The following TNRC6B variants were observed in gnomAD, a reference collection of about 807,000 sequenced individuals.
TNRC6B encodes trinucleotide repeat containing adaptor 6B.
TNRC6B carries 52 observed loss-of-function variants against 203.6 expected under a neutral mutation model. The ratio of observed to expected loss-of-function variants is 0.26; its 90% CI spans 0.20 to 0.32. TNRC6B has a LOEUF of 0.32. Ranked by LOEUF, TNRC6B falls within the 10% of genes least tolerant of loss-of-function variation. The probability of loss-of-function intolerance (pLI) is 1.00; values close to 1 mark genes in which losing one functional copy is unlikely to be tolerated. For synonymous variants in TNRC6B, 838 were observed against 845.7 expected, an observed-to-expected ratio of 0.99 and a Z score of 0.16; for missense variants, 1,923 against 2,286.2, an observed-to-expected ratio of 0.84 and a Z score of 3.24.
chr22:40,279,649 G>A (rs2070698016), intron 9 of TNRC6B, among the ~76,000 whole-genome samples: 1 of 152,236 alleles, frequency 6.6e-6, no homozygotes, highest in African/African-American at 2.4e-5. Context: ...TGAGCAAGAT[G>A]TGTTCATCAG....
At chr22:40,207,452 AAAAT>A (rs2069497228) in intron 1 of TNRC6B, among the ~76,000 whole-genome samples, 1 of 148,336 alleles carries the variant, frequency 6.7e-6, no homozygotes, top group African/African-American at 2.4e-5. Context: ...TATGTATAAT[AAAAT>A]AAACGTAACA....
At chr22:40,136,025 G>A (rs775926031) in intron 3 of TNRC6B, among the ~76,000 whole-genome samples, 3 of 152,150 alleles carry the variant, frequency 2.0e-5, no homozygotes, top group Admixed American at 6.6e-5. Flanking sequence ...AGCAAGAACC[G>A]TAGGTGAGGA....
intron 3 of TNRC6B, among the ~76,000 whole-genome samples, chr22:40,255,242 A>G (rs1316206278): frequency 6.6e-6 from 1 of 152,238 alleles, no homozygotes; most frequent in Non-Finnish European, 1.5e-5. Flanking sequence ...CAACAGGGAA[A>G]AGCTTCTAGC....
intron 1 of TNRC6B, among the ~76,000 whole-genome samples, chr22:40,204,140 C>T (rs2069448865): frequency 6.6e-6 from 1 of 152,194 alleles, no homozygotes; most frequent in South Asian, 2.1e-4. Flanking sequence ...CACCACATCT[C>T]TTTAATTTTT....
At position 40,262,058 on chromosome 22, in the gene TNRC6B, C is replaced by T. The variant is rs776224873; in HGVS notation, c.342C>T (p.Ser114=). The change falls in exon 4 of 23, where the codon TCC becomes TCT. Residue 114 remains serine, a synonymous_variant. Transcript: ENST00000454349. ...AACGTGGGCAGCCCCCTCCACCGTCCTGCATGCTCCTTGGGGGTGGGGCAG... is the reference window on the plus strand; with the variant it reads ...AACGTGGGCAGCCCCCTCCACCGTCTTGCATGCTCCTTGGGGGTGGGGCAG... The part of the protein sequence containing the change: ...LLKRGQPPPP[S]CMLLGGGAGP... 3.8e-6 allele frequency: 6 copies of T among 1,588,866 alleles called. No homozygotes were observed. Among genetic ancestry groups the T allele is most frequent in the South Asian group, 2.3e-5 (2 of 88,664 alleles).
At chr22:40,274,393 C>A (rs1262387421) in intron 7 of TNRC6B, among the ~76,000 whole-genome samples, 1 of 151,552 alleles carries the variant, frequency 6.6e-6, no homozygotes, top group African/African-American at 2.4e-5. Context: ...TACTTGTGTG[C>A]TATAGCAGCT....
intron 1 of TNRC6B, among the ~76,000 whole-genome samples, chr22:40,245,113 C>T (rs1185958034): frequency 6.3e-5 from 9 of 142,476 alleles, no homozygotes; most frequent in African/African-American, 1.0e-4. Flanking sequence ...ATTTTTGAGG[C>T]GGAGTCTGGC....
chr22:40,100,062 TTTTTATTA>T (rs140803867), intron 1 of TNRC6B, among the ~76,000 whole-genome samples: 26,927 of 139,230 alleles, frequency 0.19, 2,633 homozygotes, highest in South Asian at 0.28. Flanking sequence ...CTCCATTTTA[TTTTTATTA>T]TTTATTTATT....
intron 3 of TNRC6B, among the ~76,000 whole-genome samples, chr22:40,155,675 A>G (rs1164304979): frequency 6.6e-6 from 1 of 151,990 alleles, no homozygotes; most frequent in African/African-American, 2.4e-5. Flanking sequence ...CCTTGTCAAC[A>G]CTTGGTATTA....
chr22:40,264,866 C>G lies in TNRC6B; in HGVS notation c.636C>G (p.Ser212=). The G allele has an allele frequency of 6.2e-7, 1 of 1,613,854 alleles. No homozygotes were observed. Among genetic ancestry groups the G allele is most frequent in the Non-Finnish European group, 8.5e-7 (1 of 1,179,880 alleles). The change falls in exon 5 of 23, where the codon TCC becomes TCG. Residue 212 remains serine (S), a synonymous_variant. Coordinates refer to ENST00000454349, the MANE Select transcript of TNRC6B (RefSeq NM_001162501.2). ...CIASKDTESS[S]ENTTDNNSAS... is the part of the protein sequence containing the mutation. ...CCAGCAAAGACACTGAATCTTCTTC[C>G]GAAAACACCACCGATAACAACAGTG... is the stretch of plus-strand genomic sequence containing the variant.
At chr22:40,066,891 CTTTTTTTTTT>C (rs199704338) in intron 1 of TNRC6B, among the ~76,000 whole-genome samples, 1 of 138,364 alleles carries the variant, frequency 7.2e-6, no homozygotes, top group Non-Finnish European at 1.6e-5. Flanking sequence ...AGCTTCTTTT[CTTTTTTTTTT>C]TTTTCTTTTT....
At chr22:40,300,420 C>T in intron 12 of TNRC6B, 35 bp from the exon 13 acceptor site, 2 of 1,492,846 alleles carry the variant, frequency 1.3e-6, no homozygotes, top group Non-Finnish European at 1.8e-6. Context: ...CTGAAGATTC[C>T]TTTTCTTTTC....
intron 1 of TNRC6B, among the ~76,000 whole-genome samples, chr22:40,210,055 A>G (rs1321215530): frequency 2.0e-5 from 3 of 150,640 alleles, no homozygotes; most frequent in East Asian, 1.9e-4. Flanking sequence ...ATGTGAACAC[A>G]TGCATACTTG....
intron 12 of TNRC6B, among the ~76,000 whole-genome samples, chr22:40,299,868 T>A (rs561295853): frequency 5.9e-5 from 9 of 152,206 alleles, no homozygotes; most frequent in Non-Finnish European, 1.0e-4. Flanking sequence ...TCGCCAGAGC[T>A]TCCTGCAGCC....
intron 15 of TNRC6B, among the ~76,000 whole-genome samples, chr22:40,303,839 C>T (rs1298587941): frequency 3.9e-5 from 6 of 152,096 alleles, no homozygotes; most frequent in Non-Finnish European, 7.4e-5. Context: ...TGAACCCAGG[C>T]GGCAGAGGTT....
rs2071395286 is a variant in TNRC6B at position 40,325,866 on chromosome 22, T to G, written c.*2625T>G. ...TGCCTGTTGGTTCCTTGACCTGCAC[T>G]ATGGGTTAGTTGAGTTCCTTACGAT... On this transcript the variant is annotated 3_prime_UTR_variant, in exon 23 of 23. Transcript: ENST00000454349. The G allele has an allele frequency of 6.5e-6, 1 of 152,704 alleles. No homozygotes were observed. Among genetic ancestry groups the G allele is most frequent in the Non-Finnish European group, 1.5e-5 (1 of 68,096 alleles). 9.5% of individuals were successfully genotyped at this position (152,704 alleles called of 1,614,324 possible).
chr22:40,256,083 GT>G, intron 3 of TNRC6B, among the ~76,000 whole-genome samples: 1 of 152,282 alleles, frequency 6.6e-6, no homozygotes, highest in East Asian at 1.9e-4. Flanking sequence ...AGAGGCTTTA[GT>G]TTAACTTAAT....
chr22:40,309,086 T>G (rs547748320), intron 16 of TNRC6B, among the ~76,000 whole-genome samples: 8 of 152,366 alleles, frequency 5.3e-5, no homozygotes, highest in African/African-American at 1.9e-4. Flanking sequence ...TACATGAGAT[T>G]TGAACTTTTC....
chr22:40,139,323 G>A (rs868041820), intron 3 of TNRC6B, among the ~76,000 whole-genome samples: 37 of 144,162 alleles, frequency 2.6e-4, no homozygotes, highest in African/African-American at 8.4e-4. Context: ...ATGGGTGTAC[G>A]CATTTTTTTT....
Sources: gnomAD v4.1 joint callset for allele counts (sites outside exome capture counted in the v4.1 genomes callset) on GRCh38, gnomAD v4.1.1 for gene constraint, MANE v1.5 for transcripts, NCBI Gene and HGNC (gene_info 2026-07-23, HGNC 2026-07-21) for gene names.